Variants in MORN3 observed in about 807,000 individuals in gnomAD.
MORN3 encodes MORN repeat-containing protein 3.
In MORN3, 38 loss-of-function variants were observed where a neutral mutation model predicts 34.7. That is an observed-to-expected ratio of 1.10 (90% confidence interval 0.85 to 1.44). The LOEUF is 1.44. Among genes scored for constraint, MORN3 ranks in the 40% most tolerant of loss-of-function variants. The probability of loss-of-function intolerance (pLI) is 0.00; values close to 1 mark genes in which losing one functional copy is unlikely to be tolerated. For missense variants in MORN3, 311 were observed against 321.7 expected (o/e 0.97, Z 0.25); for synonymous variants, 109 against 115.3 (o/e 0.95, Z 0.35).
At chr12:121,651,842 C>T (rs1465206859) in intron 5 of MORN3, among the ~76,000 whole-genome samples, 198 bp from the exon 6 acceptor site, 1 of 152,132 alleles carries the variant, frequency 6.6e-6, no homozygotes, top group South Asian at 2.1e-4. Flanking sequence ...CTTTCAACCC[C>T]GTGCCCAGCT....
chr12:121,660,442 C>T (rs1893548832), intron 1 of MORN3, among the ~76,000 whole-genome samples: 1 of 148,464 alleles, frequency 6.7e-6, no homozygotes, highest in African/African-American at 2.5e-5. Flanking sequence ...ACCTCCGCCT[C>T]CTGGTTCAAG....
At chr12:121,656,498 TATTATA>T (rs1285231273) in intron 2 of MORN3, among the ~76,000 whole-genome samples, 1 of 151,826 alleles carries the variant, frequency 6.6e-6, no homozygotes, top group African/African-American at 2.4e-5. Context: ...TAATTATTAT[TATTATA>T]TAGTTTTATT....
At chr12:121,666,374 T>C (rs1051127327) in intron 1 of MORN3, among the ~76,000 whole-genome samples, 1 of 151,946 alleles carries the variant, frequency 6.6e-6, no homozygotes, top group African/African-American at 2.4e-5. Context: ...CGTGGTGGTG[T>C]GTGCCTTTAG....
intron 1 of MORN3, among the ~76,000 whole-genome samples, chr12:121,661,367 G>A (rs1290200391): frequency 6.6e-6 from 1 of 152,100 alleles, no homozygotes; most frequent in Non-Finnish European, 1.5e-5. Context: ...GGGAATACAA[G>A]CACACACCAG....
At chr12:121,657,869 AAAAT>A (rs1423296510) in intron 2 of MORN3, among the ~76,000 whole-genome samples, 5 of 151,728 alleles carry the variant, frequency 3.3e-5, no homozygotes, top group African/African-American at 9.7e-5. Context: ...TCCATCTCAA[AAAAT>A]AAATAAATTA....
At chr12:121,662,981 G>A (rs1014726332) in intron 1 of MORN3, among the ~76,000 whole-genome samples, 9 of 151,976 alleles carry the variant, frequency 5.9e-5, no homozygotes, top group South Asian at 4.2e-4. Flanking sequence ...GCGGGACTCC[G>A]TCTCAAAAAG....
At chr12:121,671,743 G>C (rs563219936), upstream of MORN3, among the ~76,000 whole-genome samples, 13 of 152,144 alleles carry the variant, frequency 8.5e-5, 1 homozygote, top group South Asian at 2.7e-3. Flanking sequence ...AGCCGGGCGT[G>C]GTTGACGACG....
At chr12:121,664,860 T>G (rs1198563270) in intron 1 of MORN3, among the ~76,000 whole-genome samples, 98 of 89,990 alleles carry the variant, frequency 1.1e-3, no homozygotes, top group African/African-American at 4.3e-3. Flanking sequence ...TTTTTTTTTG[T>G]AGCCCCTACC....
intron 1 of MORN3, among the ~76,000 whole-genome samples, chr12:121,666,881 A>T (rs1304266016): frequency 2.0e-5 from 3 of 151,312 alleles, no homozygotes; most frequent in African/African-American, 7.3e-5. Flanking sequence ...ACAGAGTCAA[A>T]TCCAAAGTTC....
rs573261378 is a variant in MORN3 at position 121,654,263 on chromosome 12, G to T, written c.463+11C>A. 5.2e-6 allele frequency: 8 copies of T among 1,543,112 alleles called. No individual in the cohort carries two copies. Among genetic ancestry groups the T allele is most frequent in the African/African-American group, 1.4e-5 (1 of 73,858 alleles). On this transcript the variant is annotated intron_variant, in intron 3 of 5. Coordinates refer to ENST00000355329, the MANE Select transcript of MORN3 (RefSeq NM_173855.5). Reference sequence around the variant, plus strand: ...TCGGGTGGGCGGGGCCGGCGGGGGTGGGGCACTCACTCAGGCGCAGCATGC... The same window carrying T: ...TCGGGTGGGCGGGGCCGGCGGGGGTTGGGCACTCACTCAGGCGCAGCATGC...
Position 121,653,228 on chromosome 12 carries a change from C to T in MORN3, c.495G>A (p.Glu165=), listed in dbSNP as rs782699752. The T allele has an allele frequency of 1.2e-6, 2 of 1,614,084 alleles. No homozygotes were observed. Among genetic ancestry groups the T allele is most frequent in the African/African-American group, 1.3e-5 (1 of 74,952 alleles). ...KNGNRYEGCW[E]RGMKNGAGRF... is the part of the protein sequence containing the mutation. ...GCCCCGCCCCGTTCTTCATGCCTCT[C>T]TCCCAGCAGCCCTCGTAGCGGTTCC... The change falls in exon 4 of 6, where the codon GAG becomes GAA. Residue 165 remains glutamate, a synonymous_variant. Transcript: ENST00000355329.
chr12:121,652,472 T>A (rs1168437966), intron 5 of MORN3, among the ~76,000 whole-genome samples: 1 of 151,540 alleles, frequency 6.6e-6, no homozygotes, highest in Non-Finnish European at 1.5e-5. Flanking sequence ...GACCTCAACT[T>A]ATCCGCCTGC....
intron 4 of MORN3, 127 bp from the exon 5 acceptor site, chr12:121,652,935 G>T: frequency 7.1e-7 from 1 of 1,416,386 alleles, no homozygotes; most frequent in Non-Finnish European, 9.8e-7. Flanking sequence ...TGCTAGGGAT[G>T]CCCTGACTGA....
intron 1 of MORN3, among the ~76,000 whole-genome samples, chr12:121,659,793 G>C (rs1173456765): frequency 6.6e-6 from 1 of 151,798 alleles, no homozygotes; most frequent in Non-Finnish European, 1.5e-5. Flanking sequence ...GTCTCCCAAA[G>C]TGCTGGGATT....
chr12:121,661,225 T>C (rs1893572196), intron 1 of MORN3, among the ~76,000 whole-genome samples: 1 of 151,932 alleles, frequency 6.6e-6, no homozygotes, highest in Non-Finnish European at 1.5e-5. Flanking sequence ...TCCCAAAGTA[T>C]TGGGATTACA....
intron 1 of MORN3, among the ~76,000 whole-genome samples, chr12:121,668,953 A>C (rs904530171): frequency 6.6e-6 from 1 of 152,120 alleles, no homozygotes; most frequent in African/African-American, 2.4e-5. Flanking sequence ...AGAGCATCAC[A>C]GCTGAATGCG....
At chr12:121,657,105 C>G (rs561788355) in intron 2 of MORN3, among the ~76,000 whole-genome samples, 3 of 152,268 alleles carry the variant, frequency 2.0e-5, no homozygotes, top group East Asian at 3.9e-4. Context: ...CTAAGCTGTC[C>G]ATGTCCATTC....
intron 4 of MORN3, 40 bp downstream of exon 4, chr12:121,653,035 G>T (rs1555325248): frequency 8.3e-6 from 13 of 1,558,422 alleles, no homozygotes; most frequent in Middle Eastern, 1.7e-4. Context: ...TTCTGTCTCT[G>T]TCTGGGTGTG....
chr12:121,668,649 G>T (rs867296547), intron 1 of MORN3, among the ~76,000 whole-genome samples: 1 of 152,126 alleles, frequency 6.6e-6, no homozygotes, highest in East Asian at 1.9e-4. Flanking sequence ...AGGATCTCGA[G>T]GCTGCAGTGA....
Sources: allele counts gnomAD v4.1 joint callset (sites outside exome capture counted in the v4.1 genomes callset), GRCh38; gene constraint gnomAD v4.1.1; transcripts MANE v1.5; gene names NCBI Gene and HGNC (gene_info 2026-07-23, HGNC 2026-07-21).